Variants in COL4A5 observed in about 807,000 individuals in gnomAD.
The protein encoded by COL4A5 is collagen alpha-5(IV) chain.
In COL4A5, 26 loss-of-function variants were observed where a neutral mutation model predicts 130.2. That is an observed-to-expected ratio of 0.20 (90% CI 0.15 to 0.28). The LOEUF (loss-of-function observed/expected upper bound fraction) is 0.28, where lower values mean the gene tolerates loss of function less well. Among genes scored for constraint, COL4A5 ranks in the 10% least tolerant of loss-of-function variants. COL4A5 has a pLI of 1.00. For missense variants in COL4A5, 1,131 were observed against 1,344.3 expected (o/e 0.84, Z 2.48); for synonymous variants, 496 against 439.6 (o/e 1.13, Z -1.60).
intron 36 of COL4A5, chrX:108,626,787 T>C (rs1423368553): frequency 1.3e-6 from 1 of 793,559 alleles, no homozygotes; most frequent in Non-Finnish European, 1.5e-6. Context: ...AATACAGTTT[T>C]ACAATTCCCT....
intron 25 of COL4A5, among the ~76,000 whole-genome samples, chrX:108,600,384 G>A (rs1485472025): frequency 2.8e-5 from 3 of 107,124 alleles, no homozygotes; most frequent in Non-Finnish European, 1.9e-5. Context: ...TGCTTTTTGT[G>A]TCATGTTTAG....
At chrX:108,473,631 A>AT (rs1406126217) in intron 1 of COL4A5, among the ~76,000 whole-genome samples, 3 of 26,471 alleles carry the variant, frequency 1.1e-4, no homozygotes, top group African/African-American at 2.7e-4. Context: ...ATATATATAT[A>AT]TATTTTTTTT....
intron 19 of COL4A5, among the ~76,000 whole-genome samples, chrX:108,589,967 G>C (rs756817618): frequency 9.0e-6 from 1 of 111,056 alleles, no homozygotes; most frequent in Non-Finnish European, 1.9e-5. Context: ...TTAAAAACTG[G>C]GCAAAAGACA....
intron 1 of COL4A5, among the ~76,000 whole-genome samples, chrX:108,530,511 A>G (rs1033269282): frequency 9.5e-6 from 1 of 105,243 alleles, no homozygotes; most frequent in African/African-American, 3.5e-5. Flanking sequence ...ATTTACAAGA[A>G]AAAAACAAAC....
At chrX:108,666,384 G>T (rs2068078935) in intron 38 of COL4A5, 112 bp from the exon 39 acceptor site, 2 of 542,692 alleles carry the variant, frequency 3.7e-6, no homozygotes, top group African/African-American at 4.6e-5. Context: ...GTGATCCAAA[G>T]GAGTGTCTCA....
chrX:108,473,479 G>A (rs1223722043), intron 1 of COL4A5, among the ~76,000 whole-genome samples: 4 of 105,931 alleles, frequency 3.8e-5, no homozygotes, highest in African/African-American at 6.8e-5. Flanking sequence ...CCCTGTGTAC[G>A]CCTAGACTAA....
intron 37 of COL4A5, among the ~76,000 whole-genome samples, chrX:108,664,721 G>A (rs1164998864): frequency 8.9e-6 from 1 of 112,103 alleles, no homozygotes. Context: ...ATAACAAGAT[G>A]TATTATCCAA....
chrX:108,529,072 T>C, intron 1 of COL4A5, among the ~76,000 whole-genome samples: 1 of 111,338 alleles, frequency 9.0e-6, no homozygotes, highest in Non-Finnish European at 1.9e-5. Flanking sequence ...GAGAAAAGTG[T>C]CTAGTCACTT....
intron 37 of COL4A5, among the ~76,000 whole-genome samples, chrX:108,660,339 T>C (rs191095330): frequency 2.3e-4 from 26 of 111,613 alleles, no homozygotes; most frequent in Admixed American, 2.0e-3. Flanking sequence ...TCTACTCTTC[T>C]ACCCTCCTGT....
chrX:108,553,189 G>A (rs2065777751), intron 2 of COL4A5, among the ~76,000 whole-genome samples: 1 of 111,582 alleles, frequency 9.0e-6, no homozygotes, highest in East Asian at 2.8e-4. Flanking sequence ...ATATTTCCTA[G>A]ATCTGATATC....
chrX:108,595,030 T>C (rs1203842617), intron 21 of COL4A5, among the ~76,000 whole-genome samples: 1 of 109,007 alleles, frequency 9.2e-6, no homozygotes, highest in Non-Finnish European at 1.9e-5. Flanking sequence ...CTGGCTAATG[T>C]TTTTATTTTT....
At chrX:108,644,836 G>GT (rs1401919954) in intron 36 of COL4A5, among the ~76,000 whole-genome samples, 16 of 106,170 alleles carry the variant, frequency 1.5e-4, no homozygotes, top group African/African-American at 5.1e-4. Context: ...GGAGGCGGAG[G>GT]TTGCAGTGAG....
intron 1 of COL4A5, among the ~76,000 whole-genome samples, chrX:108,444,429 C>G (rs945475798): frequency 4.3e-4 from 48 of 111,214 alleles, no homozygotes; most frequent in African/African-American, 1.5e-3. Flanking sequence ...CCATGTTAGC[C>G]AGGATGGTCT....
intron 2 of COL4A5, among the ~76,000 whole-genome samples, chrX:108,547,189 C>T (rs755273573): frequency 5.4e-5 from 6 of 111,828 alleles, no homozygotes; most frequent in Non-Finnish European, 9.4e-5. Flanking sequence ...GGCACTCTGA[C>T]TTTTAGAATT....
intron 52 of COL4A5, 89 bp from the exon 53 acceptor site, chrX:108,696,208 C>G: frequency 1.3e-6 from 1 of 771,352 alleles, no homozygotes; most frequent in Non-Finnish European, 2.0e-6. Flanking sequence ...ACTTAACACA[C>G]AAAAAATGTT....
intron 1 of COL4A5, among the ~76,000 whole-genome samples, chrX:108,463,177 C>T (rs1482244281): frequency 9.0e-6 from 1 of 111,579 alleles, no homozygotes; most frequent in Non-Finnish European, 1.9e-5. Context: ...AATTTTAAAA[C>T]TTTATGTTTT....
Position 108,563,945 on chromosome X carries a change from A to G in COL4A5, c.276+19A>G, listed in dbSNP as rs1480528182. 5 of 1,160,979 alleles carry G rather than the reference A, an allele frequency of 4.3e-6. No homozygotes were observed. The highest frequency in any genetic ancestry group is 2.2e-5 in the Admixed American group (1 of 45,749). On this transcript the variant is annotated intron_variant, in intron 4 of 52. Transcript: ENST00000328300. Reference sequence around the variant, plus strand: ...AATCAGAGTAAGTAGTATTTTCTCTATATCAAATACTTTGTTGGTGGAAAC... The same window carrying G: ...AATCAGAGTAAGTAGTATTTTCTCTGTATCAAATACTTTGTTGGTGGAAAC...
chrX:108,697,361 A>G lies in COL4A5; in HGVS notation c.*983A>G. 9.0e-6 allele frequency: 1 copy of G among 110,542 alleles called. No homozygotes were observed. Among genetic ancestry groups the G allele is most frequent in the Middle Eastern group, 4.7e-3 (1 of 215 alleles). The allele number at this position is 110,542 out of a possible 1,213,427, so 9.1% of individuals were successfully genotyped here. A position where few individuals can be genotyped will look rare whatever the true frequency, so the allele number is the denominator to read the frequency against. On this transcript the variant is annotated 3_prime_UTR_variant, in exon 53 of 53. Transcript: ENST00000328300. ...GGCCTCTGCTTGTACAGAACTGGGA[A>G]ACAACACTTGGTTAGTCTCTTTTAA...
chrX:108,622,768 C>A lies in COL4A5; in HGVS notation c.2860C>A (p.Pro954Thr), dbSNP rs1368083515. 1 of 1,208,528 alleles carries A rather than the reference C, an allele frequency of 8.3e-7. No homozygotes were observed. The highest frequency in any genetic ancestry group is 2.2e-5 in the Admixed American group (1 of 45,849). ...GCCTGGCCTTCCAGGCCCTCCTGGA[C>A]CAATGGATCCAAATCTTCTGGGCTC... ...GEPGLPGPPG[P>T]MDPNLLGSKG... Residue 954 changes from proline to threonine, a missense_variant, in exon 33 of 53, where the codon CCA (proline) becomes ACA (threonine). Coordinates refer to ENST00000328300, the MANE Select transcript of COL4A5 (RefSeq NM_033380.3).
Sources: gnomAD v4.1 joint callset for allele counts (sites outside exome capture counted in the v4.1 genomes callset) on GRCh38, gnomAD v4.1.1 for gene constraint, MANE v1.5 for transcripts, NCBI Gene and HGNC (gene_info 2026-07-23, HGNC 2026-07-21) for gene names.